The following GLRX3 variants were observed in gnomAD, a reference collection of about 807,000 sequenced individuals.
GLRX3 encodes glutaredoxin 3.
In GLRX3, 22 loss-of-function variants were observed where a neutral mutation model predicts 49.5. That is an observed-to-expected ratio of 0.44 (90% CI 0.32 to 0.63). The LOEUF (loss-of-function observed/expected upper bound fraction) is 0.63, where lower values mean the gene tolerates loss of function less well. GLRX3 is among the 30% of genes least tolerant of loss of function. The pLI, the probability that GLRX3 is intolerant of heterozygous loss-of-function variation, is 0.05. For synonymous variants in GLRX3, 133 were observed against 140.0 expected (o/e 0.95, Z 0.35); for missense variants, 385 against 396.3 (o/e 0.97, Z 0.24).
At position 130,167,277 on chromosome 10, in the gene GLRX3, AGTT is replaced by A. The variant is rs373675985; in HGVS notation, c.713+301_713+303del. Among the ~76,000 whole-genome samples the A allele has an allele frequency of 3.4e-4, 52 of 152,328 alleles. 1 individual carries two copies. In the South Asian group the frequency reaches 0.011, roughly 31 times the overall value. Reference sequence around the variant, plus strand: ...TCTCTGCATTTCAGAGCCAGGGTCCAGTTGTTTTGTCACTGCTCCTTGGCGTAA... The same window carrying A: ...TCTCTGCATTTCAGAGCCAGGGTCCAGTTTTGTCACTGCTCCTTGGCGTAA... On this transcript the variant is annotated intron_variant, in intron 6 of 10. Transcript: ENST00000331244.
chr10:130,160,926 G>A lies in GLRX3; in HGVS notation c.407G>A (p.Arg136His), dbSNP rs772391226. 1.2e-5 allele frequency: 19 copies of A among 1,613,632 alleles called. No homozygotes were observed. Among genetic ancestry groups the A allele is most frequent in the African/African-American group, 4.0e-5 (3 of 74,902 alleles). ...CATCTTAAAGAAGATCTCAACCTTC[G>A]CTTGAAGAAATTGACTCATGCTGCC... ...NEHLKEDLNLRLKKLTHAAPC... is the reference protein window; with the variant it reads ...NEHLKEDLNLHLKKLTHAAPC... Residue 136 changes from arginine (R) to histidine (H), a missense_variant, in exon 4 of 11, where the codon CGC becomes CAC. By Grantham distance (29) the Arg-to-His change is conservative (BLOSUM62 0). This residue lies in a region of GLRX3 where 374 missense variants were observed against 358.6 expected (regional missense o/e 1.04). Coordinates refer to ENST00000331244, the MANE Select transcript of GLRX3 (RefSeq NM_006541.5).
chr10:130,158,824 A>G (rs1468285511), intron 2 of GLRX3, among the ~76,000 whole-genome samples: 2 of 152,194 alleles, frequency 1.3e-5, no homozygotes, highest in Admixed American at 6.5e-5. Context: ...TAGAATTTTC[A>G]TATAAGTACA....
intron 1 of GLRX3, among the ~76,000 whole-genome samples, chr10:130,138,986 T>C (rs1369819125): frequency 6.6e-6 from 1 of 151,262 alleles, no homozygotes. Context: ...CTCAGCCTTC[T>C]GAGTAGCTGG....
intron 2 of GLRX3, among the ~76,000 whole-genome samples, chr10:130,154,303 G>A (rs541862054): frequency 9.2e-5 from 14 of 152,278 alleles, no homozygotes; most frequent in African/African-American, 2.4e-4. Flanking sequence ...GTGAGGTGAC[G>A]CCCTGCCCTA....
rs1341452426 is a variant in GLRX3, at chr10:130,136,429, G to A, written c.9G>A (p.Ala3=). The change falls in exon 1 of 11, where the codon GCG becomes GCA. Residue 3 remains alanine, a synonymous_variant. Transcript: ENST00000331244. MA[A]GAAEAAVAAV... Reference sequence around the variant, plus strand: ...TGTCTGGCGGCGGCAGCATGGCGGCGGGGGCGGCTGAGGCAGCTGTAGCGG... The same window carrying A: ...TGTCTGGCGGCGGCAGCATGGCGGCAGGGGCGGCTGAGGCAGCTGTAGCGG... The A allele has an allele frequency of 2.4e-6, 3 of 1,254,828 alleles. No individual in the cohort carries two copies. The highest frequency in any genetic ancestry group is 3.0e-6 in the Non-Finnish European group (3 of 993,638). The allele number at this position is 1,254,828 out of a possible 1,614,324, so 77.7% of individuals were successfully genotyped here.
intron 8 of GLRX3, 134 bp downstream of exon 8, chr10:130,171,770 A>G (rs1445616598): frequency 1.5e-6 from 1 of 649,872 alleles, no homozygotes; most frequent in Admixed American, 2.7e-5. Context: ...GTTCGAGACC[A>G]GCCTGGACAA....
intron 10 of GLRX3, 104 bp from the exon 11 acceptor site, chr10:130,179,238 G>A: frequency 1.6e-6 from 1 of 627,288 alleles, no homozygotes; most frequent in South Asian, 2.1e-5. Context: ...TCCAATAGGT[G>A]TTTCTTTTGG....
At chr10:130,175,618 C>G (rs1862901985) in intron 10 of GLRX3, among the ~76,000 whole-genome samples, 4 of 152,198 alleles carry the variant, frequency 2.6e-5, no homozygotes, top group African/African-American at 7.2e-5. Flanking sequence ...TATCTTGAGT[C>G]CTTCCTGATG....
intron 1 of GLRX3, 33 bp from the exon 2 acceptor site, chr10:130,145,178 A>G: frequency 1.2e-6 from 1 of 828,716 alleles, no homozygotes; most frequent in Non-Finnish European, 2.0e-6. Flanking sequence ...AAATTGGTAT[A>G]ATTTTAAATA....
intron 8 of GLRX3, among the ~76,000 whole-genome samples, chr10:130,173,700 C>T (rs998217528): frequency 2.0e-5 from 3 of 152,156 alleles, no homozygotes; most frequent in African/African-American, 7.2e-5. Flanking sequence ...AGAGATCTGC[C>T]ACCTTTAGTT....
chr10:130,169,852 G>A (rs56291232), intron 7 of GLRX3, among the ~76,000 whole-genome samples: 32,808 of 152,232 alleles, frequency 0.22, 3,870 homozygotes, highest in South Asian at 0.3. Flanking sequence ...CAGGGAACCT[G>A]GTCGTGCTTG....
rs753038200 is a variant in GLRX3, at chr10:130,166,491, C to CT, written c.479-9dup. The stretch of plus-strand genomic sequence containing the variant: ...GAGAGAGAAGTTAAGTGCTTTATTT[C>CT]TTTTTTTGTGTACAGGTTTCAGCAA... On this transcript the variant is annotated splice_polypyrimidine_tract_variant and intron_variant, in intron 4 of 10. Transcript: ENST00000331244. 3.5e-5 allele frequency: 56 copies of CT among 1,602,082 alleles called. No individual in the cohort carries two copies. The African/African-American group carries it at 6.8e-4, about 20-fold the overall frequency.
chr10:130,166,263 T>G (rs917167856), intron 4 of GLRX3, among the ~76,000 whole-genome samples: 1 of 151,992 alleles, frequency 6.6e-6, no homozygotes, highest in Admixed American at 6.5e-5. Flanking sequence ...TTTTTTTCAG[T>G]AGTCACAGTT....
At chr10:130,137,853 T>C (rs1425807128) in intron 1 of GLRX3, among the ~76,000 whole-genome samples, 1 of 151,632 alleles carries the variant, frequency 6.6e-6, no homozygotes. Context: ...ACCCACCTCA[T>C]CCTCCCGAGT....
chr10:130,177,857 G>A (rs1170474092), intron 10 of GLRX3, among the ~76,000 whole-genome samples: 1 of 152,148 alleles, frequency 6.6e-6, no homozygotes, highest in Non-Finnish European at 1.5e-5. Context: ...ATTGATTGAT[G>A]TTTATGCTGT....
chr10:130,160,221 C>T, intron 3 of GLRX3, 152 bp downstream of exon 3: 1 of 598,592 alleles, frequency 1.7e-6, no homozygotes, highest in Non-Finnish European at 3.0e-6. Flanking sequence ...ATTTTTGCAC[C>T]GATGCTGAGA....
chr10:130,173,182 A>G (rs935672620), intron 8 of GLRX3, among the ~76,000 whole-genome samples: 2 of 152,080 alleles, frequency 1.3e-5, no homozygotes, highest in African/African-American at 4.8e-5. Context: ...CAGGTTCCTC[A>G]GGTGTCTTCT....
intron 10 of GLRX3, among the ~76,000 whole-genome samples, chr10:130,176,849 A>G (rs1213914689): frequency 6.7e-6 from 1 of 149,104 alleles, no homozygotes; most frequent in Non-Finnish European, 1.5e-5. Context: ...CAAACCCCAA[A>G]TACTCTTGAG....
chr10:130,163,000 A>G (rs1276969877), intron 4 of GLRX3, among the ~76,000 whole-genome samples: 2 of 152,148 alleles, frequency 1.3e-5, no homozygotes, highest in Non-Finnish European at 1.5e-5. Flanking sequence ...CTTACCTTTT[A>G]CTTTATTAAA....
Sources: allele counts gnomAD v4.1 joint callset (sites outside exome capture counted in the v4.1 genomes callset), GRCh38; gene constraint gnomAD v4.1.1; regional missense constraint gnomAD v4.1.1; transcripts MANE v1.5; gene names NCBI Gene and HGNC (gene_info 2026-07-23, HGNC 2026-07-21).